FAT3: variants seen among roughly 807,000 people sequenced by gnomAD.
FAT3 encodes protocadherin Fat 3.
FAT3 carries 95 observed loss-of-function variants against 310.2 expected under a neutral mutation model. The ratio of observed to expected loss-of-function variants is 0.31; its 90% CI spans 0.26 to 0.36. The LOEUF (loss-of-function observed/expected upper bound fraction) is 0.36. FAT3 is among the 10% of genes least tolerant of loss of function. FAT3 has a pLI of 1.00. For synonymous variants in FAT3, 2,314 were observed against 2,192.9 expected (o/e 1.06, Z -1.54); for missense variants, 5,408 against 5,715.6 (o/e 0.95, Z 1.74).
chr11:92,868,136 G>A (rs941383810), intron 22 of FAT3, among the ~76,000 whole-genome samples: 8 of 152,140 alleles, frequency 5.3e-5, no homozygotes, highest in Non-Finnish European at 8.8e-5. Flanking sequence ...CTCAGCAGTC[G>A]TGTCATTAGG....
At chr11:92,226,897 C>G (rs918890875) in intron 1 of FAT3, among the ~76,000 whole-genome samples, 3 of 152,160 alleles carry the variant, frequency 2.0e-5, no homozygotes, top group African/African-American at 7.2e-5. Context: ...CCCCCCTCTC[C>G]CCTCCTCCCG....
At chr11:92,514,179 C>G (rs1016876003) in intron 2 of FAT3, among the ~76,000 whole-genome samples, 3 of 152,122 alleles carry the variant, frequency 2.0e-5, no homozygotes, top group Non-Finnish European at 4.4e-5. Flanking sequence ...AAAGTTCAGT[C>G]TGTGCACAGT....
At chr11:92,885,696 A>C (rs1209803298) in intron 24 of FAT3, among the ~76,000 whole-genome samples, 2 of 152,292 alleles carry the variant, frequency 1.3e-5, no homozygotes, top group East Asian at 3.9e-4. Flanking sequence ...GGGGGGAGTT[A>C]ATAAATGAAG....
intron 22 of FAT3, among the ~76,000 whole-genome samples, chr11:92,868,627 G>A (rs1368487669): frequency 1.3e-5 from 2 of 152,148 alleles, no homozygotes; most frequent in Non-Finnish European, 2.9e-5. Context: ...GTCAAATGCT[G>A]GGTACATAGC....
At chr11:92,498,441 G>C (rs1022257250) in intron 2 of FAT3, 2 of 182,590 alleles carry the variant, frequency 1.1e-5, no homozygotes, top group African/African-American at 4.8e-5. Context: ...CTTCAAATTT[G>C]GTGGACCTGT....
At chr11:92,510,499 C>T (rs1953256644) in intron 2 of FAT3, among the ~76,000 whole-genome samples, 1 of 152,122 alleles carries the variant, frequency 6.6e-6, no homozygotes, top group African/African-American at 2.4e-5. Flanking sequence ...CTGTTGGTGC[C>T]TGGTGCCAAC....
chr11:92,510,815 A>C (rs370173778), intron 2 of FAT3, among the ~76,000 whole-genome samples: 13 of 152,220 alleles, frequency 8.5e-5, no homozygotes, highest in East Asian at 3.9e-4. Flanking sequence ...ACAGGCACTG[A>C]AGGCGGCTTG....
At chr11:92,229,773 T>C (rs1472257155) in intron 1 of FAT3, among the ~76,000 whole-genome samples, 1 of 151,224 alleles carries the variant, frequency 6.6e-6, no homozygotes, top group Non-Finnish European at 1.5e-5. Flanking sequence ...TTTTAGCATA[T>C]TCCAGGACTT....
rs764378435 is a variant in FAT3 at position 92,798,792 on chromosome 11, T to G, written c.5779T>G (p.Leu1927Val). 6 of 1,613,674 alleles carry G rather than the reference T, an allele frequency of 3.7e-6. No individual in the cohort carries two copies. The highest frequency in any genetic ancestry group is 4.2e-6 in the Non-Finnish European group (5 of 1,179,844). Residue 1927 changes from leucine to valine, a missense_variant, in exon 10 of 28, where the codon TTG becomes GTG. By Grantham distance (32) the Leu-to-Val change is conservative. Coordinates refer to ENST00000525166, the MANE Select transcript of FAT3 (RefSeq NM_001367949.2). ...GACATACAGCCTAATGGAAGGCAGT[T>G]TGGATCATTTTTTAATTGACTCAAA... ...ELTYSLMEGS[L>V]DHFLIDSNSG...
In FAT3 at chr11:92,800,559, A is replaced by G. The variant is rs761684329; in HGVS notation, c.7546A>G (p.Ile2516Val). 3.1e-6 allele frequency: 5 copies of G among 1,613,766 alleles called. No individual in the cohort carries two copies. The South Asian group carries it at 3.3e-5, about 11-fold the overall frequency. The change falls in exon 10 of 28, where the codon ATT becomes GTT. Residue 2516 changes from isoleucine to valine, a missense_variant. Transcript: ENST00000525166. Reference protein sequence around the residue: ...RENVAAGTKVIHVRATDGDPG... With the variant: ...RENVAAGTKVVHVRATDGDPG... ...GAACGTGGCTGCAGGAACAAAGGTA[A>G]TTCATGTTCGAGCCACAGATGGTGA...
In FAT3 at chr11:92,800,380, A is replaced by T. The variant is rs1423613735; in HGVS notation, c.7367A>T (p.His2456Leu). Residue 2456 changes from histidine to leucine, a missense_variant, in exon 10 of 28, where the codon CAT becomes CTT. Physicochemically the swap from His to Leu is moderately conservative, Grantham distance 99. Coordinates refer to ENST00000525166, the MANE Select transcript of FAT3 (RefSeq NM_001367949.2). ...SKSGVITLSN[H>L]RKQRMEPLYS... ...AGTGGAGTTATCACATTGTCCAACCATCGGAAGCAGCGGATGGAGCCTCTG... is the reference window on the plus strand; with the variant it reads ...AGTGGAGTTATCACATTGTCCAACCTTCGGAAGCAGCGGATGGAGCCTCTG... The T allele has an allele frequency of 6.2e-7, 1 of 1,613,846 alleles. No homozygotes were observed. The highest frequency in any genetic ancestry group is 2.2e-5 in the East Asian group (1 of 44,880).
In FAT3 at chr11:92,340,155, A is replaced by G. The variant is rs531918471; in HGVS notation, c.-17-11941A>G. 3.7e-4 allele frequency among the ~76,000 whole-genome samples: 44 copies of G among 119,414 alleles called. No homozygotes were observed. The South Asian group carries it at 0.012, about 33-fold the overall frequency. 78.3% of individuals were successfully genotyped at this position (119,414 alleles called of 152,430 possible). ...AAAAAGCCAGGCTCAAATTTGGCGGAACCTTTTCAGCCACAGCCTTGTCAG... is the reference window on the plus strand; with the variant it reads ...AAAAAGCCAGGCTCAAATTTGGCGGGACCTTTTCAGCCACAGCCTTGTCAG... On this transcript the variant is annotated intron_variant, in intron 1 of 27. Transcript: ENST00000525166.
At chr11:92,512,575 T>G (rs533361150) in intron 2 of FAT3, among the ~76,000 whole-genome samples, 1 of 147,282 alleles carries the variant, frequency 6.8e-6, no homozygotes, top group South Asian at 2.1e-4. Context: ...AAATTATATT[T>G]TAAATTTTTA....
chr11:92,521,778 A>T (rs897238061), intron 2 of FAT3, among the ~76,000 whole-genome samples: 2 of 152,174 alleles, frequency 1.3e-5, no homozygotes, highest in Non-Finnish European at 2.9e-5. Flanking sequence ...AGTTTATATT[A>T]TAGAGAATTT....
chr11:92,723,600 A>G (rs1378355971), intron 4 of FAT3, among the ~76,000 whole-genome samples: 1 of 152,166 alleles, frequency 6.6e-6, no homozygotes, highest in Non-Finnish European at 1.5e-5. Flanking sequence ...CTGTTTTCAC[A>G]CTGTTAATAA....
intron 4 of FAT3, among the ~76,000 whole-genome samples, chr11:92,731,681 G>A (rs1945183465): frequency 6.9e-6 from 1 of 145,782 alleles, no homozygotes; most frequent in Non-Finnish European, 1.5e-5. Context: ...TTTCTGTGAG[G>A]CCTTAGGTTC....
chr11:92,781,732 A>G (rs1946758680), intron 7 of FAT3, among the ~76,000 whole-genome samples: 1 of 152,200 alleles, frequency 6.6e-6, no homozygotes, highest in Non-Finnish European at 1.5e-5. Context: ...CAGCATAAAG[A>G]GAATAAAACT....
chr11:92,815,932 C>T (rs750736744), intron 13 of FAT3, among the ~76,000 whole-genome samples: 7 of 152,140 alleles, frequency 4.6e-5, no homozygotes, highest in South Asian at 2.1e-4. Context: ...TCCAAGAAAA[C>T]AATGAAGAAT....
rs200639035 is a variant in FAT3 at position 92,836,632 on chromosome 11, C to T, written c.10153C>T (p.Arg3385Trp). The T allele has an allele frequency of 9.9e-6, 16 of 1,613,520 alleles. No individual in the cohort carries two copies. Among genetic ancestry groups the T allele is most frequent in the African/African-American group, 4.0e-5 (3 of 74,862 alleles). Reference protein sequence around the residue: ...QIHFSIVNGDRDNEFTVDPVL... With the variant: ...QIHFSIVNGDWDNEFTVDPVL... ...TCATTTTTCCATTGTGAATGGAGAT[C>T]GGGACAATGAATTTACTGTAGATCC... The change falls in exon 16 of 28, where the codon CGG becomes TGG. Residue 3385 changes from arginine to tryptophan, a missense_variant. Coordinates refer to ENST00000525166, the MANE Select transcript of FAT3 (RefSeq NM_001367949.2).
Sources: allele counts gnomAD v4.1 joint callset (sites outside exome capture counted in the v4.1 genomes callset), GRCh38; gene constraint gnomAD v4.1.1; transcripts MANE v1.5; gene names NCBI Gene and HGNC (gene_info 2026-07-23, HGNC 2026-07-21).